The following LAMA4 variants were observed in gnomAD, a reference collection of about 807,000 sequenced individuals.
LAMA4 encodes the protein laminin subunit alpha-4.
A neutral mutation model predicts 207.1 loss-of-function variants in LAMA4; 127 were observed. The observed-to-expected ratio is 0.61, with a 90% CI of 0.53 to 0.71. LAMA4 has a LOEUF of 0.71. Ranked by LOEUF, LAMA4 falls within the 30% of genes least tolerant of loss-of-function variation. LAMA4 has a pLI of 0.00. For missense variants in LAMA4, 2,093 were observed against 2,246.5 expected, an observed-to-expected ratio of 0.93 and a Z score of 1.38; for synonymous variants, 761 against 816.0, an observed-to-expected ratio of 0.93 and a Z score of 1.15.
At chr6:112,229,400 A>G (rs1785417352) in intron 2 of LAMA4, among the ~76,000 whole-genome samples, 1 of 152,130 alleles carries the variant, frequency 6.6e-6, no homozygotes, top group African/African-American at 2.4e-5. Context: ...ACCAACACCC[A>G]TTATCTCCTC....
intron 2 of LAMA4, chr6:112,236,777 A>G (rs2114315647): frequency 6.6e-6 from 1 of 152,282 alleles, no homozygotes; most frequent in East Asian, 1.9e-4. Flanking sequence ...TGATTTTTAT[A>G]GACATAATGT....
chr6:112,216,087 C>G (rs538953832), intron 3 of LAMA4, among the ~76,000 whole-genome samples: 1 of 152,188 alleles, frequency 6.6e-6, no homozygotes, highest in Non-Finnish European at 1.5e-5. Context: ...GTATCATTTT[C>G]AATCCCACCG....
chr6:112,252,933 T>G (rs1562115410), intron 2 of LAMA4, among the ~76,000 whole-genome samples: 1 of 152,214 alleles, frequency 6.6e-6, no homozygotes, highest in Non-Finnish European at 1.5e-5. Flanking sequence ...GGGCTTACTC[T>G]GAAGAAGGAC....
In LAMA4 at chr6:112,140,744, T is replaced by C. The variant is rs1404127974; in HGVS notation, c.2976+16A>G. The C allele has an allele frequency of 5.6e-6, 9 of 1,611,350 alleles. No individual in the cohort carries two copies. The highest frequency in any genetic ancestry group is 7.6e-6 in the Non-Finnish European group (9 of 1,177,722). ...TGTAGATTTGTAATAGGTCAAAATATAGCTGTATGGCTGACCTTGAAGTTG... is the reference window on the plus strand; with the variant it reads ...TGTAGATTTGTAATAGGTCAAAATACAGCTGTATGGCTGACCTTGAAGTTG... On this transcript the variant is annotated intron_variant, in intron 22 of 38. Coordinates refer to ENST00000230538, the MANE Select transcript of LAMA4 (RefSeq NM_001105206.3).
intron 3 of LAMA4, among the ~76,000 whole-genome samples, chr6:112,209,432 C>A (rs1047699485): frequency 2.0e-5 from 3 of 152,230 alleles, no homozygotes; most frequent in African/African-American, 4.8e-5. Flanking sequence ...CACCAAATTT[C>A]TTTTGCCCTC....
Position 112,182,304 on chromosome 6 carries a change from C to A in LAMA4, c.1077+2933G>T, listed in dbSNP as rs1370843847. Reference sequence around the variant, plus strand: ...CAATACTATAACCTATGCACATCCCCCTATATATATTATATCTAAATTACC... The same window carrying A: ...CAATACTATAACCTATGCACATCCCACTATATATATTATATCTAAATTACC... On this transcript the variant is annotated intron_variant, in intron 9 of 38. Coordinates refer to ENST00000230538, the MANE Select transcript of LAMA4 (RefSeq NM_001105206.3). Among the ~76,000 whole-genome samples the A allele has an allele frequency of 2.6e-5, 4 of 151,998 alleles. No homozygotes were observed. The East Asian group carries it at 7.7e-4, about 29-fold the overall frequency.
rs1777871778 is a variant in LAMA4, at chr6:112,114,170, C to T, written c.5232G>A (p.Gln1744=). Residue 1744 remains glutamine (Q), a synonymous_variant, in exon 38 of 39, where the codon CAG becomes CAA. Coordinates refer to ENST00000230538, the MANE Select transcript of LAMA4 (RefSeq NM_001105206.3). ...ITVIRDSNVV[Q]LDVDSEVNHV... is the part of the protein sequence containing the mutation. ...GGTTCACTTCAGAGTCCACATCCAA[C>T]TGAACCACATTAGAATCTCTAATAA... 1 of 1,613,714 alleles carries T rather than the reference C, an allele frequency of 6.2e-7. No individual in the cohort carries two copies. The highest frequency in any genetic ancestry group is 1.1e-5 in the South Asian group (1 of 91,088).
At chr6:112,206,047 T>C (rs1302004406) in intron 4 of LAMA4, among the ~76,000 whole-genome samples, 4 of 152,216 alleles carry the variant, frequency 2.6e-5, no homozygotes, top group Non-Finnish European at 5.9e-5. Context: ...ATGCATCACT[T>C]CCATGTAGCT....
chr6:112,124,774 T>G (rs1410692951), intron 31 of LAMA4, among the ~76,000 whole-genome samples: 2 of 150,052 alleles, frequency 1.3e-5, no homozygotes, highest in African/African-American at 5.0e-5. Flanking sequence ...TTTTTTTTTT[T>G]TGAGACAGTT....
At chr6:112,164,597 G>A (rs1479817589) in intron 13 of LAMA4, among the ~76,000 whole-genome samples, 2 of 152,144 alleles carry the variant, frequency 1.3e-5, no homozygotes. Context: ...AATAGTCAAC[G>A]GACAATCAAA....
At chr6:112,150,973 C>T (rs782111715) in intron 16 of LAMA4, among the ~76,000 whole-genome samples, 13 of 152,064 alleles carry the variant, frequency 8.5e-5, no homozygotes, top group African/African-American at 1.4e-4. Flanking sequence ...TATGTGATAA[C>T]GACTGGTTAT....
chr6:112,116,247 CAG>C, intron 35 of LAMA4, among the ~76,000 whole-genome samples: 1 of 152,150 alleles, frequency 6.6e-6, no homozygotes, highest in East Asian at 1.9e-4. Flanking sequence ...TATGGGAGCT[CAG>C]GGGAGGAGAA....
intron 2 of LAMA4, among the ~76,000 whole-genome samples, chr6:112,225,540 C>T (rs937727130): frequency 1.3e-5 from 2 of 152,092 alleles, no homozygotes; most frequent in East Asian, 1.9e-4. Context: ...GTGCTATTAT[C>T]GTTTATTTCG....
chr6:112,254,130 C>G lies in LAMA4; in HGVS notation c.21G>C (p.Trp7Cys), dbSNP rs1554190573. The G allele has an allele frequency of 1.2e-6, 2 of 1,612,934 alleles. No individual in the cohort carries two copies. Among genetic ancestry groups the G allele is most frequent in the South Asian group, 1.1e-5 (1 of 90,986 alleles). The part of the protein sequence containing the change: MALSSA[W>C]RSVLPLWLLW... ...GGAGCCACAGAGGCAGAACCGAGCG[C>G]CAGGCTGAGCTCAAAGCCATTTCTC... The change falls in exon 2 of 39, where the codon TGG becomes TGC. Residue 7 changes from tryptophan (W) to cysteine (C), a missense_variant. By Grantham distance (215) the Trp-to-Cys change is radical. Coordinates refer to ENST00000230538, the MANE Select transcript of LAMA4 (RefSeq NM_001105206.3).
intron 14 of LAMA4, among the ~76,000 whole-genome samples, chr6:112,157,024 A>G (rs1460626763): frequency 6.6e-6 from 1 of 152,004 alleles, no homozygotes; most frequent in Admixed American, 6.6e-5. Flanking sequence ...TACTTTTTCT[A>G]TGGAGAAAGG....
chr6:112,199,771 T>A (rs1583870300), intron 5 of LAMA4, among the ~76,000 whole-genome samples: 1 of 26,470 alleles, frequency 3.8e-5, no homozygotes, highest in Non-Finnish European at 6.7e-5. Context: ...ATACTGTGGC[T>A]TTTTTTTTTT....
chr6:112,109,552 C>G lies in LAMA4; in HGVS notation c.5357G>C (p.Ser1786Thr), dbSNP rs1777581611. Reference protein sequence around the residue: ...ESLLTPRLAPSKPFTGCIRHF... With the variant: ...ESLLTPRLAPTKPFTGCIRHF... The stretch of plus-strand genomic sequence containing the variant: ...GCGTATGCAGCCTGTGAAGGGTTTG[C>G]TGGGGGCCAAGCGTGGTGTCAGTAG... Residue 1786 changes from serine to threonine, a missense_variant, in exon 39 of 39, where the codon AGC becomes ACC. Physicochemically the swap from Ser to Thr is moderately conservative, Grantham distance 58. Around this residue, in one of 3 missense-constraint regions of LAMA4, gnomAD observed 383 missense variants for 437.8 expected, o/e 0.87. Transcript: ENST00000230538. The G allele has an allele frequency of 1.2e-6, 2 of 1,614,066 alleles. No individual in the cohort carries two copies.
chr6:112,200,898 G>T (rs375691561), intron 5 of LAMA4, among the ~76,000 whole-genome samples: 1 of 152,114 alleles, frequency 6.6e-6, no homozygotes, highest in Non-Finnish European at 1.5e-5. Flanking sequence ...GGGGGGCAAG[G>T]GGAGGGATAG....
chr6:112,162,467 C>T (rs12201150), intron 13 of LAMA4, among the ~76,000 whole-genome samples: 85,473 of 151,382 alleles, frequency 0.56, 24,465 homozygotes, highest in Middle Eastern at 0.67. Context: ...GATGAAGCCA[C>T]GTCTCAAAAA....
Sources: gnomAD v4.1 joint callset for allele counts (sites outside exome capture counted in the v4.1 genomes callset) on GRCh38, gnomAD v4.1.1 for gene constraint, gnomAD v4.1.1 regional missense constraint, MANE v1.5 for transcripts, NCBI Gene and HGNC (gene_info 2026-07-23, HGNC 2026-07-21) for gene names.